MSR1: variants seen among roughly 807,000 people sequenced by gnomAD.
The protein encoded by MSR1 is macrophage scavenger receptor 1, also known as macrophage scavenger receptor types I and II.
Under a neutral mutation model 47.2 loss-of-function variants are expected in MSR1, and 53 were observed. That is an observed-to-expected ratio of 1.12 (90% CI 0.90 to 1.41). The LOEUF is 1.41. Ranked by LOEUF, MSR1 falls within the 40% of genes most tolerant of loss-of-function variation. MSR1 has a pLI of 0.00. For synonymous variants in MSR1, 239 were observed against 185.6 expected, an observed-to-expected ratio of 1.29 and a Z score of -2.34; for missense variants, 786 against 546.9, an observed-to-expected ratio of 1.44 and a Z score of -4.36.
rs891415509 is a variant in MSR1, at chr8:16,177,749, A to C, written c.103+137T>G. 8.6e-6 allele frequency: 6 copies of C among 701,226 alleles called. No individual in the cohort carries two copies. The African/African-American group carries it at 1.1e-4, about 12-fold the overall frequency. The allele number at this position is 701,226 out of a possible 1,614,324, so 43.4% of individuals were successfully genotyped here. A position where few individuals can be genotyped will look rare whatever the true frequency, so the allele number is the denominator to read the frequency against. On this transcript the variant is annotated intron_variant, in intron 2 of 9. Coordinates refer to ENST00000262101, the MANE Select transcript of MSR1 (RefSeq NM_138715.3). The stretch of plus-strand genomic sequence containing the variant: ...TTTAAGCTTATTTTTATTCTGTCTC[A>C]AGAATACCCCTGTTGGTCAAATAAG...
At chr8:16,178,114 TTAATTATAC>T in intron 1 of MSR1, 122 bp from the exon 2 acceptor site, 5 of 735,578 alleles carry the variant, frequency 6.8e-6, no homozygotes, top group Admixed American at 2.4e-5. Flanking sequence ...TTTTTTTTTT[TTAATTATAC>T]TTTAAGCTCT....
rs1799711273 is a variant in MSR1 at position 16,109,644 on chromosome 8, T to A, written c.*441A>T. ...TGTGTGGATTGGAGATTTTGCAATC[T>A]AGGCACAAAAGATATCTTCTGATCC... On this transcript the variant is annotated 3_prime_UTR_variant, in exon 10 of 10. Transcript: ENST00000262101. The A allele has an allele frequency of 5.7e-6, 1 of 175,844 alleles. No individual in the cohort carries two copies. Among genetic ancestry groups the A allele is most frequent in the African/African-American group, 2.4e-5 (1 of 41,644 alleles). 10.9% of individuals were successfully genotyped at this position (175,844 alleles called of 1,614,324 possible). A position where few individuals can be genotyped will look rare whatever the true frequency, so the allele number is the denominator to read the frequency against.
rs1412704992 is a variant in MSR1 at position 16,109,838 on chromosome 8, T to C, written c.*247A>G. 1.0e-5 allele frequency: 5 copies of C among 502,096 alleles called. No individual in the cohort carries two copies. The highest frequency in any genetic ancestry group is 1.8e-5 in the Non-Finnish European group (5 of 284,582). 31.1% of individuals were successfully genotyped at this position (502,096 alleles called of 1,614,324 possible). On this transcript the variant is annotated 3_prime_UTR_variant, in exon 10 of 10. Coordinates refer to ENST00000262101, the MANE Select transcript of MSR1 (RefSeq NM_138715.3). The stretch of plus-strand genomic sequence containing the variant: ...CTGGAAGCTATAAACTTCAAAATGT[T>C]CAATTCAGCATATAAGTCATTATAT...
intron 8 of MSR1, among the ~76,000 whole-genome samples, chr8:16,136,503 GC>G (rs1563146157): frequency 6.7e-6 from 1 of 149,950 alleles, no homozygotes; most frequent in African/African-American, 2.5e-5. Context: ...TGTGATAATT[GC>G]TTTTTTTTTG....
intron 1 of MSR1, among the ~76,000 whole-genome samples, chr8:16,190,729 TTTTG>T (rs1585206212): frequency 6.7e-6 from 1 of 148,236 alleles, no homozygotes; most frequent in Non-Finnish European, 1.5e-5. Flanking sequence ...CTTTCTTTCT[TTTTG>T]TTTTTGAGAT....
chr8:16,161,619 C>G (rs1029843806), intron 5 of MSR1, among the ~76,000 whole-genome samples: 2 of 151,850 alleles, frequency 1.3e-5, no homozygotes, highest in African/African-American at 4.8e-5. Context: ...CATCTATTTC[C>G]TTTTCATAGA....
In MSR1 at chr8:16,175,293, T is replaced by A; in HGVS notation, c.111A>T (p.Lys37Asn). ...SMTALLPPNP[K>N]NSPSLQEKLK... ...GTTTCTCTTGAAGGGAAGGGCTGTT[T>A]TTAGGATCTAATAAAACAAAAAAGC... The change falls in exon 3 of 10, where the codon AAA becomes AAT. Residue 37 changes from lysine (K) to asparagine (N), a missense_variant. Lys to Asn is a moderately conservative substitution (Grantham distance 94). Coordinates refer to ENST00000262101, the MANE Select transcript of MSR1 (RefSeq NM_138715.3). 1 of 1,613,876 alleles carries A rather than the reference T, an allele frequency of 6.2e-7. No individual in the cohort carries two copies. The highest frequency in any genetic ancestry group is 8.5e-7 in the Non-Finnish European group (1 of 1,179,770).
At chr8:16,177,182 G>T (rs1034755964) in intron 2 of MSR1, among the ~76,000 whole-genome samples, 2 of 152,134 alleles carry the variant, frequency 1.3e-5, no homozygotes, top group African/African-American at 4.8e-5. Flanking sequence ...ATATGTTAAA[G>T]TTTTAACCAT....
At chr8:16,134,339 G>A (rs980745354) in intron 8 of MSR1, among the ~76,000 whole-genome samples, 5 of 152,076 alleles carry the variant, frequency 3.3e-5, no homozygotes, top group Non-Finnish European at 7.4e-5. Flanking sequence ...TGAAATCCAT[G>A]TATAGTGTTT....
At chr8:16,164,831 C>T (rs561640148) in intron 4 of MSR1, among the ~76,000 whole-genome samples, 61 of 151,948 alleles carry the variant, frequency 4.0e-4, no homozygotes, top group African/African-American at 1.2e-3. Context: ...TTCAAATACA[C>T]GTATATTTTG....
chr8:16,119,321 G>A (rs2117058731), intron 9 of MSR1, among the ~76,000 whole-genome samples: 1 of 151,826 alleles, frequency 6.6e-6, no homozygotes, highest in Middle Eastern at 3.4e-3. Flanking sequence ...CACCTCCTGG[G>A]TCCAAGTAAT....
Position 16,168,458 on chromosome 8 carries a change from C to G in MSR1, c.630G>C (p.Glu210Asp). The G allele has an allele frequency of 1.2e-6, 2 of 1,614,044 alleles. No individual in the cohort carries two copies. Among genetic ancestry groups the G allele is most frequent in the Non-Finnish European group, 1.7e-6 (2 of 1,179,984 alleles). ...KIQENTFKQQ[E>D]EISKLEERVY... ...GACCTTGCAGTCCACAAACTCTTAC[C>G]TCTTGTTGTTTGAAGGTATTCTCTT... Residue 210 changes from glutamate (E) to aspartate (D), a missense_variant and splice_region_variant, in exon 4 of 10, where the codon GAG (glutamate) becomes GAC (aspartate). Physicochemically the swap from Glu to Asp is conservative, Grantham distance 45. Transcript: ENST00000262101.
chr8:16,120,697 C>T, intron 8 of MSR1, 91 bp from the exon 9 acceptor site: 1 of 1,390,516 alleles, frequency 7.2e-7, no homozygotes, highest in Non-Finnish European at 9.5e-7. Flanking sequence ...TTTTTAAACA[C>T]AAAAAAATGT....
chr8:16,179,187 A>G (rs1203100690), intron 1 of MSR1, among the ~76,000 whole-genome samples: 1 of 152,192 alleles, frequency 6.6e-6, no homozygotes, highest in Admixed American at 6.5e-5. Flanking sequence ...TGATTTAATC[A>G]GTAATTTAAT....
chr8:16,110,325 T>C, intron 9 of MSR1, 107 bp from the exon 10 acceptor site: 5 of 1,281,352 alleles, frequency 3.9e-6, no homozygotes, highest in East Asian at 2.3e-5. Flanking sequence ...AAAGTGTTGA[T>C]TATTTTCTGT....
intron 9 of MSR1, among the ~76,000 whole-genome samples, chr8:16,114,225 C>T (rs80001475): frequency 0.033 from 2,926 of 89,202 alleles, 108 homozygotes; most frequent in African/African-American, 0.076. Context: ...TTCTGTTTAC[C>T]CTTACATTTT....
At chr8:16,164,677 G>C (rs1801256490) in intron 4 of MSR1, among the ~76,000 whole-genome samples, 1 of 151,974 alleles carries the variant, frequency 6.6e-6, no homozygotes, top group Non-Finnish European at 1.5e-5. Context: ...ATAGTAATAA[G>C]TGAAGTTTAA....
intron 1 of MSR1, among the ~76,000 whole-genome samples, chr8:16,184,103 T>C (rs1801924104): frequency 6.6e-6 from 1 of 151,630 alleles, no homozygotes; most frequent in Admixed American, 6.6e-5. Context: ...TGAGAGCAGT[T>C]TTAATTTTTC....
Position 16,177,547 on chromosome 8 carries a change from T to C in MSR1, c.103+339A>G, listed in dbSNP as rs35155556. 9.2e-3 allele frequency among the ~76,000 whole-genome samples: 1,399 copies of C among 152,006 alleles called. 23 individuals carry two copies. The highest frequency in any genetic ancestry group is 0.032 in the African/African-American group (1,306 of 41,446). On this transcript the variant is annotated intron_variant, in intron 2 of 9. Transcript: ENST00000262101. ...TACATTTCTGTTTTAAGCCTCCCATTTGTTACAACAACTCTAGAAAACTAA... is the reference window on the plus strand; with the variant it reads ...TACATTTCTGTTTTAAGCCTCCCATCTGTTACAACAACTCTAGAAAACTAA...
Sources: allele counts gnomAD v4.1 joint callset (sites outside exome capture counted in the v4.1 genomes callset), GRCh38; gene constraint gnomAD v4.1.1; transcripts MANE v1.5; gene names NCBI Gene and HGNC (gene_info 2026-07-23, HGNC 2026-07-21).